The following CC2D1B variants were observed in gnomAD, a reference collection of about 807,000 sequenced individuals.
CC2D1B encodes the protein coiled-coil and C2 domain containing 1B, also known as coiled-coil and C2 domain-containing protein 1B.
In CC2D1B, 92 loss-of-function variants were observed where a neutral mutation model predicts 110.8. That is an observed-to-expected ratio of 0.83 (90% CI 0.70 to 0.99). The LOEUF is 0.99. Among genes scored for constraint, CC2D1B ranks in the 50% least tolerant of loss-of-function variants. The pLI, the probability that CC2D1B is intolerant of heterozygous loss-of-function variation, is 0.00. For missense variants in CC2D1B, 1,136 were observed against 1,089.0 expected (o/e 1.04, Z -0.61); for synonymous variants, 406 against 429.2 (o/e 0.95, Z 0.67).
rs1646773680 is a variant in CC2D1B at position 52,361,129 on chromosome 1, CCGTCT to C, written c.319-2_321del. On this transcript the variant is annotated splice_acceptor_variant and coding_sequence_variant, in exon 5 of 25. Coordinates refer to ENST00000284376, the MANE Select transcript of CC2D1B (RefSeq NM_001330585.2). LOFTEE classifies it high-confidence loss of function. ...TCCACACCTAAGACCTCCTGCAGCT[CCGTCT>C]AGGGAGACAAAACACAGCCCAGGAG... 6.2e-7 allele frequency: 1 copy of C among 1,613,946 alleles called. No individual in the cohort carries two copies. The highest frequency in any genetic ancestry group is 1.7e-5 in the Admixed American group (1 of 59,990).
At chr1:52,354,553 C>A (rs1646601621) in intron 23 of CC2D1B, 55 bp downstream of exon 23, 1 of 1,362,664 alleles carries the variant, frequency 7.3e-7, no homozygotes. Flanking sequence ...GCATTCAGTG[C>A]GTATTGGCTC....
In CC2D1B at chr1:52,357,766, T is replaced by C. The variant is rs1277305648; in HGVS notation, c.1579+15A>G. 6.3e-7 allele frequency: 1 copy of C among 1,597,428 alleles called. No homozygotes were observed. Among genetic ancestry groups the C allele is most frequent in the Non-Finnish European group, 8.5e-7 (1 of 1,170,136 alleles). ...CTAGGCCCTCAGTTCTTCACCCTGC[T>C]TGTCCCCAACTCACCAGATGGACTC... On this transcript the variant is annotated intron_variant, in intron 14 of 24. Transcript: ENST00000284376.
intron 16 of CC2D1B, chr1:52,356,752 T>C: frequency 5.0e-6 from 3 of 598,126 alleles, no homozygotes; most frequent in Non-Finnish European, 8.8e-6. Flanking sequence ...TACATAAACA[T>C]ACACGCACAT....
At position 52,353,192 on chromosome 1, in the gene CC2D1B, G is replaced by A. The variant is rs193069144; in HGVS notation, c.*33C>T. ...GGAAAGTCATCTCCTGCACAGTCGC[G>A]GCCTGACTCCTCTCCTGGTGCTGGC... On this transcript the variant is annotated 3_prime_UTR_variant, in exon 25 of 25. Coordinates refer to ENST00000284376, the MANE Select transcript of CC2D1B (RefSeq NM_001330585.2). The A allele has an allele frequency of 9.0e-6, 12 of 1,333,868 alleles. No homozygotes were observed. The highest frequency in any genetic ancestry group is 3.0e-5 in the African/African-American group (2 of 67,306). 82.6% of individuals were successfully genotyped at this position (1,333,868 alleles called of 1,614,324 possible).
rs1346818339 is a variant in CC2D1B at position 52,361,624 on chromosome 1, A to G, written c.215-8T>C. 2 of 1,611,498 alleles carry G rather than the reference A, an allele frequency of 1.2e-6. No homozygotes were observed. Among genetic ancestry groups the G allele is most frequent in the African/African-American group, 1.3e-5 (1 of 74,860 alleles). ...GGGCCATGGGCAGGGGGGCTGGGGGAAAAAGGTCACAACAAGTCAGCACAA... is the reference window on the plus strand; with the variant it reads ...GGGCCATGGGCAGGGGGGCTGGGGGGAAAAGGTCACAACAAGTCAGCACAA... On this transcript the variant is annotated splice_polypyrimidine_tract_variant and splice_region_variant and intron_variant, in intron 3 of 24. Coordinates refer to ENST00000284376, the MANE Select transcript of CC2D1B (RefSeq NM_001330585.2).
rs1477586733 is a variant in CC2D1B at position 52,358,666 on chromosome 1, C to T, written c.1330+20G>A. On this transcript the variant is annotated intron_variant, in intron 12 of 24. Transcript: ENST00000284376. ...CAGGGACCACCTCCTCACAGAGCCCCTAGGCCATGCCCCACTTACCTGGAG... is the reference window on the plus strand; with the variant it reads ...CAGGGACCACCTCCTCACAGAGCCCTTAGGCCATGCCCCACTTACCTGGAG... 6.2e-7 allele frequency: 1 copy of T among 1,612,372 alleles called. No homozygotes were observed. The highest frequency in any genetic ancestry group is 8.5e-7 in the Non-Finnish European group (1 of 1,178,976).
intron 1 of CC2D1B, among the ~76,000 whole-genome samples, chr1:52,365,250 T>A (rs972518579): frequency 1.3e-5 from 2 of 152,232 alleles, no homozygotes; most frequent in East Asian, 3.9e-4. Flanking sequence ...AGCGCAGAAA[T>A]GAACCTAAGA....
chr1:52,357,927 G>A, intron 13 of CC2D1B, 29 bp from the exon 14 acceptor site: 2 of 1,532,764 alleles, frequency 1.3e-6, no homozygotes, highest in Middle Eastern at 2.2e-4. Context: ...CTGTTAGGAG[G>A]GGATGTGTTC....
rs1220992210 is a variant in CC2D1B at position 52,352,019 on chromosome 1, C to A, written c.*1206G>T. On this transcript the variant is annotated 3_prime_UTR_variant, in exon 25 of 25. Transcript: ENST00000284376. ...AGCATGGTCCAGCCCTGTTATCCCC[C>A]AAAAGGACACATACAAAGCTCAGTT... 6.6e-6 allele frequency: 1 copy of A among 152,132 alleles called. No homozygotes were observed. Among genetic ancestry groups the A allele is most frequent in the African/African-American group, 2.4e-5 (1 of 41,414 alleles). 9.4% of individuals were successfully genotyped at this position (152,132 alleles called of 1,614,324 possible).
At chr1:52,364,282 ACAAG>A (rs1325093846) in intron 2 of CC2D1B, among the ~76,000 whole-genome samples, 1 of 152,072 alleles carries the variant, frequency 6.6e-6, no homozygotes, top group East Asian at 1.9e-4. Context: ...TCCCTGGCTA[ACAAG>A]CAAAGTTGTG....
Position 52,359,731 on chromosome 1 carries a change from C to T in CC2D1B, c.916G>A (p.Ala306Thr), listed in dbSNP as rs745451768. ...TTCCCAATCCTCATGAGCTCTCGGG[C>T]ACGGTCTAGCTCTCCAGCCCGCTTG... ...SAKRAGELDR[A>T]RELMRIGKRF... Residue 306 changes from alanine to threonine, a missense_variant, in exon 8 of 25, where the codon GCC (alanine) becomes ACC (threonine). Ala to Thr is a moderately conservative substitution (Grantham distance 58). Coordinates refer to ENST00000284376, the MANE Select transcript of CC2D1B (RefSeq NM_001330585.2). 4 of 1,607,336 alleles carry T rather than the reference C, an allele frequency of 2.5e-6. No individual in the cohort carries two copies. Among genetic ancestry groups the T allele is most frequent in the Non-Finnish European group, 3.4e-6 (4 of 1,176,936 alleles).
In CC2D1B at chr1:52,353,572, C is replaced by G. The variant is rs1269374705; in HGVS notation, c.2506G>C (p.Asp836His). ...CAGTTCTCAGTGACCATCTGCACAT[C>G]CTGGCCACTCAGAGGCTCCCGCAGC... The part of the protein sequence containing the change: ...VRLREPLSGQ[D>H]VQMVTENWLV... Residue 836 changes from aspartate to histidine, a missense_variant, in exon 24 of 25, where the codon GAT becomes CAT. By Grantham distance (81) the Asp-to-His change is moderately conservative. Coordinates refer to ENST00000284376, the MANE Select transcript of CC2D1B (RefSeq NM_001330585.2). 1.2e-5 allele frequency: 20 copies of G among 1,613,962 alleles called. No individual in the cohort carries two copies. The highest frequency in any genetic ancestry group is 1.7e-5 in the Non-Finnish European group (20 of 1,179,996).
chr1:52,357,331 C>G (rs1646675544), intron 15 of CC2D1B, among the ~76,000 whole-genome samples, 195 bp downstream of exon 15: 2 of 152,256 alleles, frequency 1.3e-5, no homozygotes, highest in Non-Finnish European at 2.9e-5. Flanking sequence ...CCACAGGCAG[C>G]CCACCTTCCC....
Position 52,358,736 on chromosome 1 carries a change from G to C in CC2D1B, c.1280C>G (p.Ala427Gly). The change falls in exon 12 of 25, where the codon GCA becomes GGA. Residue 427 changes from alanine to glycine, a missense_variant. Physicochemically the swap from Ala to Gly is moderately conservative, Grantham distance 60 (BLOSUM62 0). Transcript: ENST00000284376. ...GTTGACTTTCCGTCCTGCTCGGTGT[G>C]CTCGAATAGCATCTTGATATTGCTG... Reference protein sequence around the residue: ...IAKQYQDAIRAHRAGRKVNFA... With the variant: ...IAKQYQDAIRGHRAGRKVNFA... 6.2e-7 allele frequency: 1 copy of C among 1,611,948 alleles called. No homozygotes were observed. Among genetic ancestry groups the C allele is most frequent in the East Asian group, 2.2e-5 (1 of 44,862 alleles).
Position 52,355,800 on chromosome 1 carries a change from A to C in CC2D1B, c.2099T>G (p.Val700Gly). The C allele has an allele frequency of 1.9e-6, 3 of 1,614,110 alleles. No homozygotes were observed. The highest frequency in any genetic ancestry group is 2.5e-6 in the Non-Finnish European group (3 of 1,180,018). The change falls in exon 19 of 25, where the codon GTC becomes GGC. Residue 700 changes from valine to glycine, a missense_variant. Coordinates refer to ENST00000284376, the MANE Select transcript of CC2D1B (RefSeq NM_001330585.2). ...LNSTEMHLII[V>G]RGMNLPAPPG... is the part of the protein sequence containing the mutation. ...AGGGGCTGGGAGGTTCATTCCCCGG[A>C]CAATGATCAGATGCATTTCTGTGCT...
chr1:52,357,243 G>T, intron 15 of CC2D1B, 117 bp from the exon 16 acceptor site: 4 of 1,257,592 alleles, frequency 3.2e-6, no homozygotes, highest in Non-Finnish European at 3.4e-6. Context: ...GTCCAGTGAT[G>T]ACAACTCATC....
chr1:52,361,655 A>AT, intron 3 of CC2D1B, 39 bp from the exon 4 acceptor site: 2 of 1,612,972 alleles, frequency 1.2e-6, no homozygotes, highest in Middle Eastern at 1.7e-4. Context: ...CACAACTCAG[A>AT]TAAGTTCAGG....
At position 52,357,268 on chromosome 1, in the gene CC2D1B, C is replaced by T. The variant is rs576034289; in HGVS notation, c.1753-142G>A. ...GACAACTCATCGCCTCCCATTCTAT[C>T]CCAAAATAACACTCTTGCCTCCCAT... On this transcript the variant is annotated intron_variant, in intron 15 of 24. Transcript: ENST00000284376. 7.5e-4 allele frequency: 794 copies of T among 1,054,286 alleles called. 3 individuals carry two copies. Among genetic ancestry groups the T allele is most frequent in the Non-Finnish European group, 9.4e-4 (677 of 722,730 alleles). The allele number at this position is 1,054,286 out of a possible 1,614,324, so 65.3% of individuals were successfully genotyped here.
chr1:52,352,914 C>T lies in CC2D1B; in HGVS notation c.*311G>A, dbSNP rs889169937. ...AGGGGTAAGCTGTACACAGTTGCCA[C>T]GCAGGGGTTAAGGGGCTGCAGGACT... is the stretch of plus-strand genomic sequence containing the variant. On this transcript the variant is annotated 3_prime_UTR_variant, in exon 25 of 25. Coordinates refer to ENST00000284376, the MANE Select transcript of CC2D1B (RefSeq NM_001330585.2). 4 of 242,068 alleles carry T rather than the reference C, an allele frequency of 1.7e-5. No individual in the cohort carries two copies. Among genetic ancestry groups the T allele is most frequent in the Non-Finnish European group, 2.6e-5 (3 of 117,108 alleles). The allele number at this position is 242,068 out of a possible 1,614,324, so 15.0% of individuals were successfully genotyped here.
Sources: allele counts gnomAD v4.1 joint callset (sites outside exome capture counted in the v4.1 genomes callset), GRCh38; gene constraint gnomAD v4.1.1; transcripts MANE v1.5; gene names NCBI Gene and HGNC (gene_info 2026-07-23, HGNC 2026-07-21).